TRPM3: variants seen among roughly 807,000 people sequenced by gnomAD.
The protein encoded by TRPM3 is long transient receptor potential channel 3.
A neutral mutation model predicts 181.2 loss-of-function variants in TRPM3; 77 were observed. That is an observed-to-expected ratio of 0.42 (90% CI 0.35 to 0.51). The LOEUF is 0.51. Among genes scored for constraint, TRPM3 ranks in the 20% least tolerant of loss-of-function variants. The pLI is 0.01. For synonymous variants in TRPM3, 745 were observed against 796.4 expected, an observed-to-expected ratio of 0.94 and a Z score of 1.09; for missense variants, 1,759 against 2,196.7, an observed-to-expected ratio of 0.80 and a Z score of 3.98.
At chr9:70,908,593 T>G (rs143769929) in intron 1 of TRPM3, among the ~76,000 whole-genome samples, 7 of 152,350 alleles carry the variant, frequency 4.6e-5, no homozygotes, top group African/African-American at 1.7e-4. Context: ...AGATTGAATC[T>G]TATAGAAATG....
chr9:71,046,292 C>T lies in TRPM3; in HGVS notation c.177+74886G>A, dbSNP rs528636480. Among the ~76,000 whole-genome samples the T allele has an allele frequency of 6.6e-5, 10 of 152,248 alleles. No homozygotes were observed. The East Asian group carries it at 1.2e-3, about 18-fold the overall frequency. On this transcript the variant is annotated intron_variant, in intron 1 of 25. Coordinates refer to ENST00000677713, the MANE Select transcript of TRPM3 (RefSeq NM_001366145.2). ...GAACCACCGCGCCTGGCCTTTTCTA[C>T]ACTTTTATGACCACTAAACTCTTTT... is the stretch of plus-strand genomic sequence containing the variant.
intron 1 of TRPM3, among the ~76,000 whole-genome samples, chr9:71,333,521 C>T (rs2090357513): frequency 6.6e-6 from 1 of 152,002 alleles, no homozygotes; most frequent in Non-Finnish European, 1.5e-5. Context: ...AGGCAAACTG[C>T]CATGTGATAA....
intron 1 of TRPM3, among the ~76,000 whole-genome samples, chr9:71,020,077 C>T (rs1206944808): frequency 6.6e-6 from 1 of 151,816 alleles, no homozygotes; most frequent in Non-Finnish European, 1.5e-5. Flanking sequence ...AACAACTAAG[C>T]TTCTAGGTGA....
intron 1 of TRPM3, among the ~76,000 whole-genome samples, chr9:71,198,897 T>C (rs2078584228): frequency 8.5e-6 from 1 of 117,740 alleles, no homozygotes; most frequent in African/African-American, 2.9e-5. Context: ...TGGCCAGAAC[T>C]TCCAACACTA....
chr9:71,162,431 A>G (rs1188593491), intron 1 of TRPM3, among the ~76,000 whole-genome samples: 2 of 152,036 alleles, frequency 1.3e-5, no homozygotes, highest in African/African-American at 4.8e-5. Context: ...AATCATTTAG[A>G]TCACTAGTTT....
intron 1 of TRPM3, among the ~76,000 whole-genome samples, chr9:71,309,278 T>C (rs1437250593): frequency 6.6e-6 from 1 of 152,180 alleles, no homozygotes; most frequent in Admixed American, 6.5e-5. Flanking sequence ...ATTTCATTTT[T>C]GTTTCGTATT....
chr9:70,631,035 A>G (rs928830511), intron 12 of TRPM3, among the ~76,000 whole-genome samples: 2 of 152,178 alleles, frequency 1.3e-5, no homozygotes, highest in African/African-American at 4.8e-5. Flanking sequence ...TCAAAACAAG[A>G]TTGGTTCCTT....
intron 22 of TRPM3, among the ~76,000 whole-genome samples, chr9:70,583,674 A>T (rs1328939971): frequency 6.6e-6 from 1 of 152,212 alleles, no homozygotes; most frequent in African/African-American, 2.4e-5. Context: ...CTCCTTTGAG[A>T]TGGAGAATCC....
At chr9:70,571,775 A>C (rs908462342) in intron 22 of TRPM3, among the ~76,000 whole-genome samples, 1 of 152,134 alleles carries the variant, frequency 6.6e-6, no homozygotes, top group Non-Finnish European at 1.5e-5. Context: ...AGTATTTGCT[A>C]TTATTATTTT....
At chr9:70,565,927 G>A (rs1309734755) in intron 22 of TRPM3, among the ~76,000 whole-genome samples, 1 of 152,136 alleles carries the variant, frequency 6.6e-6, no homozygotes, top group African/African-American at 2.4e-5. Flanking sequence ...GTTAATAACA[G>A]TGATGATGAC....
chr9:70,980,960 G>T (rs1019253020), intron 1 of TRPM3, among the ~76,000 whole-genome samples: 1 of 152,106 alleles, frequency 6.6e-6, no homozygotes, highest in South Asian at 2.1e-4. Flanking sequence ...AAGCAATTCC[G>T]ATACATATGT....
At chr9:70,797,667 G>C (rs1174544670) in intron 6 of TRPM3, among the ~76,000 whole-genome samples, 1 of 152,198 alleles carries the variant, frequency 6.6e-6, no homozygotes, top group Non-Finnish European at 1.5e-5. Context: ...TTCAAGAGAA[G>C]GAATTTTTCC....
chr9:70,894,738 A>G (rs2096258319), intron 1 of TRPM3, among the ~76,000 whole-genome samples: 1 of 152,218 alleles, frequency 6.6e-6, no homozygotes, highest in Non-Finnish European at 1.5e-5. Context: ...ACCAAAATAT[A>G]TATAGCACTC....
intron 1 of TRPM3, among the ~76,000 whole-genome samples, chr9:70,867,432 G>A (rs1479261864): frequency 1.3e-5 from 2 of 152,148 alleles, no homozygotes; most frequent in African/African-American, 2.4e-5. Context: ...GCTAGTTAGC[G>A]TTTCAGTAAA....
chr9:71,170,248 CGAAGAT>C (rs1053043963), intron 1 of TRPM3, among the ~76,000 whole-genome samples: 1 of 151,714 alleles, frequency 6.6e-6, no homozygotes, highest in African/African-American at 2.4e-5. Flanking sequence ...ATAGAGAACA[CGAAGAT>C]GAAGGGAAGG....
rs540758110 is a variant in TRPM3 at position 71,431,191 on chromosome 9, C to G, written c.183+15462G>C. Among the ~76,000 whole-genome samples, 70 of 151,154 alleles carry G rather than the reference C, an allele frequency of 4.6e-4. 1 individual carries two copies. The highest frequency in any genetic ancestry group is 1.3e-3 in the South Asian group (6 of 4,778). On this transcript the variant is annotated intron_variant, in intron 1 of 24. Transcript: ENST00000357533. ...AGTAGATATCTCACACACACACACACAGAGAGAGAGAGAGCCCACTTAACA... is the reference window on the plus strand; with the variant it reads ...AGTAGATATCTCACACACACACACAGAGAGAGAGAGAGAGCCCACTTAACA...
At chr9:70,875,327 T>A (rs1438982211) in intron 1 of TRPM3, among the ~76,000 whole-genome samples, 3 of 151,986 alleles carry the variant, frequency 2.0e-5, no homozygotes, top group African/African-American at 7.2e-5. Context: ...TAGGGCCTTT[T>A]TTGAAAATAA....
intron 1 of TRPM3, among the ~76,000 whole-genome samples, chr9:71,250,140 G>A (rs1588133771): frequency 6.6e-6 from 1 of 152,232 alleles, no homozygotes; most frequent in East Asian, 1.9e-4. Context: ...CTACATAGGA[G>A]GGGAAGTACA....
intron 1 of TRPM3, among the ~76,000 whole-genome samples, chr9:70,993,242 G>C (rs1041407124): frequency 6.6e-5 from 10 of 152,178 alleles, no homozygotes; most frequent in African/African-American, 2.2e-4. Flanking sequence ...GCTGATGGCT[G>C]AATGAAGAAC....
Sources: gnomAD v4.1 joint callset for allele counts (sites outside exome capture counted in the v4.1 genomes callset) on GRCh38, gnomAD v4.1.1 for gene constraint, MANE v1.5 for transcripts, NCBI Gene and HGNC (gene_info 2026-07-23, HGNC 2026-07-21) for gene names.